Variants in WDPCP observed in about 807,000 individuals in gnomAD.
WDPCP encodes WD repeat-containing and planar cell polarity effector protein fritz homolog.
A neutral mutation model predicts 93.1 loss-of-function variants in WDPCP; 71 were observed. The observed-to-expected ratio is 0.76, with a 90% CI of 0.63 to 0.93. The LOEUF is 0.93. Among genes scored for constraint, WDPCP ranks in the 40% least tolerant of loss-of-function variants. The probability of loss-of-function intolerance (pLI) is 0.00; values close to 1 mark genes in which losing one functional copy is unlikely to be tolerated. For synonymous variants in WDPCP, 315 were observed against 315.0 expected, an observed-to-expected ratio of 1.00 and a Z score of 0.00; for missense variants, 844 against 887.4, an observed-to-expected ratio of 0.95 and a Z score of 0.62.
intron 14 of WDPCP, among the ~76,000 whole-genome samples, chr2:63,230,617 G>A (rs1297851586): frequency 8.5e-5 from 13 of 152,166 alleles, no homozygotes; most frequent in Admixed American, 3.3e-4. Context: ...TGACTTTTTA[G>A]TGACCGCCAT....
At chr2:63,409,070 A>G (rs944960864) in intron 9 of WDPCP, among the ~76,000 whole-genome samples, 1 of 152,088 alleles carries the variant, frequency 6.6e-6, no homozygotes, top group Non-Finnish European at 1.5e-5. Context: ...GGAAAGCGCC[A>G]CCTCCCGGCA....
intron 14 of WDPCP, among the ~76,000 whole-genome samples, chr2:63,235,242 A>G (rs1477518287): frequency 7.9e-5 from 12 of 152,188 alleles, no homozygotes. Context: ...TAGAAAATGT[A>G]GAGGGAACAG....
At chr2:63,657,791 C>T (rs1162940842) in intron 2 of WDPCP, among the ~76,000 whole-genome samples, 9 of 152,144 alleles carry the variant, frequency 5.9e-5, no homozygotes, top group African/African-American at 2.2e-4. Flanking sequence ...GGTAGCTACT[C>T]TCAGAACCCA....
chr2:63,582,031 G>A (rs1708532319), intron 1 of WDPCP, among the ~76,000 whole-genome samples: 1 of 150,534 alleles, frequency 6.6e-6, no homozygotes, highest in Non-Finnish European at 1.5e-5. Flanking sequence ...TTCGCAATCT[G>A]ACATTTAATA....
intron 13 of WDPCP, among the ~76,000 whole-genome samples, chr2:63,285,348 G>A (rs1428804844): frequency 2.0e-5 from 3 of 151,744 alleles, no homozygotes; most frequent in Non-Finnish European, 1.5e-5. Context: ...GCGGGAGAAT[G>A]GTGTGAACTC....
chr2:63,164,050 C>A (rs1672803348), intron 15 of WDPCP, among the ~76,000 whole-genome samples: 1 of 152,026 alleles, frequency 6.6e-6, no homozygotes, highest in South Asian at 2.1e-4. Context: ...CTGTAAATAT[C>A]AAAGTAGATA....
At chr2:63,737,730 T>C (rs1158659117) in intron 2 of WDPCP, among the ~76,000 whole-genome samples, 1 of 152,182 alleles carries the variant, frequency 6.6e-6, no homozygotes, top group Non-Finnish European at 1.5e-5. Flanking sequence ...CTTTACCACA[T>C]ACTATCTTTC....
At chr2:63,708,633 C>T (rs879175959) in intron 2 of WDPCP, among the ~76,000 whole-genome samples, 1 of 152,118 alleles carries the variant, frequency 6.6e-6, no homozygotes, top group East Asian at 1.9e-4. Context: ...CACCCACTGT[C>T]CTGCACCCAC....
In WDPCP at chr2:63,575,469, A is replaced by AGT. The variant is rs1558832953; in HGVS notation, c.75+12726_75+12727dup. On this transcript the variant is annotated intron_variant, in intron 1 of 17. Transcript: ENST00000272321. ...TACACTGTATATACAGTATATATGC[A>AGT]GTATATACAGTGTATATATAGTATA... Among the ~76,000 whole-genome samples the AGT allele has an allele frequency of 4.3e-4, 7 of 16,314 alleles. 1 individual carries two copies. The highest frequency in any genetic ancestry group is 8.8e-4 in the African/African-American group (4 of 4,554). The allele number at this position is 16,314 out of a possible 152,430, so 10.7% of individuals were successfully genotyped here. A position where few individuals can be genotyped will look rare whatever the true frequency, so the allele number is the denominator to read the frequency against.
chr2:63,591,665 T>G (rs1709203833), upstream of WDPCP, among the ~76,000 whole-genome samples: 1 of 152,186 alleles, frequency 6.6e-6, no homozygotes, highest in Admixed American at 6.5e-5. Context: ...ACCCTAACCT[T>G]CCTTCATTCA....
intron 3 of WDPCP, chr2:63,595,541 G>T: frequency 7.2e-7 from 1 of 1,386,104 alleles, no homozygotes; most frequent in South Asian, 1.2e-5. Flanking sequence ...AGTAGAGAAG[G>T]GATTTTATGG....
At chr2:63,468,442 C>G (rs1699492273) in intron 6 of WDPCP, among the ~76,000 whole-genome samples, 1 of 152,192 alleles carries the variant, frequency 6.6e-6, no homozygotes, top group South Asian at 2.1e-4. Context: ...TACCTCCACC[C>G]CACAGCCTCT....
chr2:63,165,639 C>A (rs947907161), intron 15 of WDPCP, among the ~76,000 whole-genome samples: 3 of 150,164 alleles, frequency 2.0e-5, no homozygotes, highest in Admixed American at 1.3e-4. Flanking sequence ...AATTGGTGTG[C>A]TTCAGATTTC....
chr2:63,136,129 C>G (rs952101610), intron 17 of WDPCP, among the ~76,000 whole-genome samples: 1 of 152,158 alleles, frequency 6.6e-6, no homozygotes, highest in Non-Finnish European at 1.5e-5. Flanking sequence ...GTTTAGTAAA[C>G]TAATTCAAAG....
At chr2:63,611,178 G>T (rs1321695510) in intron 3 of WDPCP, among the ~76,000 whole-genome samples, 1 of 152,192 alleles carries the variant, frequency 6.6e-6, no homozygotes, top group African/African-American at 2.4e-5. Context: ...CTGTTGAATG[G>T]ATATACCAAA....
intron 2 of WDPCP, chr2:63,718,017 A>G (rs980485214): frequency 5.9e-5 from 9 of 152,578 alleles, no homozygotes; most frequent in African/African-American, 2.2e-4. Flanking sequence ...ATTAAATTGT[A>G]TCTGAGGCAC....
intron 1 of WDPCP, among the ~76,000 whole-genome samples, chr2:63,515,533 G>T (rs187464497): frequency 2.9e-4 from 44 of 152,272 alleles, no homozygotes; most frequent in Non-Finnish European, 4.1e-4. Context: ...TTAAATAACT[G>T]ATTGTGCTAG....
chr2:63,433,935 A>G lies in WDPCP; in HGVS notation c.635T>C (p.Ile212Thr). ...LEKLSALDYK[I>T]FYYEIPGPIN... is the part of the protein sequence containing the mutation. ...TGGGCCGGGTATTTCATAATAGAAA[A>G]TCTAACAATTTTAAAAAAGCATACA... Residue 212 changes from isoleucine to threonine, a missense_variant and splice_region_variant, in exon 9 of 18, where the codon ATT becomes ACT. Coordinates refer to ENST00000272321, the MANE Select transcript of WDPCP (RefSeq NM_015910.7). The G allele has an allele frequency of 6.2e-7, 1 of 1,613,592 alleles. No individual in the cohort carries two copies. Among genetic ancestry groups the G allele is most frequent in the Non-Finnish European group, 8.5e-7 (1 of 1,179,706 alleles).
intron 9 of WDPCP, among the ~76,000 whole-genome samples, chr2:63,431,457 C>A (rs1034943304): frequency 6.6e-6 from 1 of 151,560 alleles, no homozygotes; most frequent in Non-Finnish European, 1.5e-5. Context: ...TTCTTCTCTA[C>A]AAGGCTGTTT....
Sources: gnomAD v4.1 joint callset for allele counts (sites outside exome capture counted in the v4.1 genomes callset) on GRCh38, gnomAD v4.1.1 for gene constraint, MANE v1.5 for transcripts, NCBI Gene and HGNC (gene_info 2026-07-23, HGNC 2026-07-21) for gene names.